UBE2W: variants seen among roughly 807,000 people sequenced by gnomAD.
UBE2W encodes ubiquitin-conjugating enzyme E2 W.
A neutral mutation model predicts 27.2 loss-of-function variants in UBE2W; 18 were observed. The observed-to-expected ratio is 0.66, with a 90% CI of 0.46 to 0.98. The LOEUF is 0.98. UBE2W is among the 50% of genes least tolerant of loss of function. The pLI is 0.00. For missense variants in UBE2W, 90 were observed against 180.2 expected, an observed-to-expected ratio of 0.50 and a Z score of 2.87; for synonymous variants, 53 against 57.2, an observed-to-expected ratio of 0.93 and a Z score of 0.33.
chr8:73,787,357 T>C lies in UBE2W; in HGVS notation c.*6745A>G, dbSNP rs1018499306. ...GGGAGGACATAAACAGAGTCACTTA[T>C]CCAGGGTAGCTTAAACTAATGGAGA... On this transcript the variant is annotated 3_prime_UTR_variant, in exon 6 of 6. Coordinates refer to ENST00000602593, the MANE Select transcript of UBE2W (RefSeq NM_018299.6). 1.0e-6 allele frequency: 1 copy of C among 985,388 alleles called. No individual in the cohort carries two copies. Among genetic ancestry groups the C allele is most frequent in the Non-Finnish European group, 1.2e-6 (1 of 829,912 alleles). 61.0% of individuals were successfully genotyped at this position (985,388 alleles called of 1,614,324 possible). A position where few individuals can be genotyped will look rare whatever the true frequency, so the allele number is the denominator to read the frequency against.
chr8:73,866,290 A>AAAAAAAAAAAAATAT (rs1248216873), intron 1 of UBE2W, among the ~76,000 whole-genome samples: 1 of 43,092 alleles, frequency 2.3e-5, no homozygotes, highest in African/African-American at 9.9e-5. Context: ...AAAAAAAAAA[A>AAAAAAAAAAAAATAT]ATATATATAT....
At chr8:73,838,835 T>A (rs1390437756) in intron 1 of UBE2W, among the ~76,000 whole-genome samples, 2 of 152,226 alleles carry the variant, frequency 1.3e-5, no homozygotes, top group Admixed American at 6.5e-5. Flanking sequence ...TGCACAGGAC[T>A]GTAACCTTTG....
intron 1 of UBE2W, among the ~76,000 whole-genome samples, chr8:73,855,494 C>A (rs11985000): frequency 0.023 from 3,442 of 149,390 alleles, 100 homozygotes; most frequent in African/African-American, 0.072. Context: ...CTCCGCCTCA[C>A]GGGTTCAAGC....
intron 1 of UBE2W, among the ~76,000 whole-genome samples, chr8:73,877,529 A>G (rs1416236946): frequency 6.6e-6 from 1 of 152,244 alleles, no homozygotes; most frequent in African/African-American, 2.4e-5. Context: ...TATTTGTACA[A>G]AAGAGGAAGA....
intron 1 of UBE2W, among the ~76,000 whole-genome samples, chr8:73,839,987 T>C (rs1219638481): frequency 6.6e-6 from 1 of 151,970 alleles, no homozygotes; most frequent in Non-Finnish European, 1.5e-5. Context: ...CCACCTGCCT[T>C]GGCCTCCCAA....
intron 1 of UBE2W, among the ~76,000 whole-genome samples, chr8:73,837,306 A>T (rs1237119601): frequency 6.6e-6 from 1 of 152,224 alleles, no homozygotes; most frequent in East Asian, 1.9e-4. Context: ...TGAGGTCAGG[A>T]GTTCGAGATC....
chr8:73,867,003 CAAAAAAA>C (rs35890299), intron 1 of UBE2W, among the ~76,000 whole-genome samples: 1 of 121,004 alleles, frequency 8.3e-6, no homozygotes, highest in Non-Finnish European at 1.8e-5. Context: ...GGCTCCGTCC[CAAAAAAA>C]AAAAAAAGAG....
intron 1 of UBE2W, among the ~76,000 whole-genome samples, chr8:73,838,958 G>C (rs895380918): frequency 2.0e-5 from 3 of 152,092 alleles, no homozygotes; most frequent in Admixed American, 6.6e-5. Context: ...AAACCTCTAG[G>C]GGGTATTTGG....
chr8:73,828,692 G>A (rs1277096050), intron 2 of UBE2W, among the ~76,000 whole-genome samples: 1 of 152,122 alleles, frequency 6.6e-6, no homozygotes, highest in Admixed American at 6.5e-5. Context: ...GAGATATTTT[G>A]ATACAAGCAC....
At chr8:73,860,497 T>G (rs570893048) in intron 1 of UBE2W, among the ~76,000 whole-genome samples, 10 of 152,190 alleles carry the variant, frequency 6.6e-5, no homozygotes, top group African/African-American at 2.2e-4. Context: ...CTGCCCTCAT[T>G]GAGTTAAAAA....
Position 73,786,810 on chromosome 8 carries a change from G to C in UBE2W, c.*7292C>G. On this transcript the variant is annotated 3_prime_UTR_variant, in exon 6 of 6. Coordinates refer to ENST00000602593, the MANE Select transcript of UBE2W (RefSeq NM_018299.6). The stretch of plus-strand genomic sequence containing the variant: ...TTACACTCAACAGGACTTGAAAAAT[G>C]CAAGGAGAGGACTACTGAGTATCAT... 1 of 985,398 alleles carries C rather than the reference G, an allele frequency of 1.0e-6. No homozygotes were observed. Among genetic ancestry groups the C allele is most frequent in the South Asian group, 4.7e-5 (1 of 21,288 alleles). The allele number at this position is 985,398 out of a possible 1,614,324, so 61.0% of individuals were successfully genotyped here.
chr8:73,850,914 C>G (rs1298979479), intron 1 of UBE2W, among the ~76,000 whole-genome samples: 2 of 151,742 alleles, frequency 1.3e-5, no homozygotes, highest in Non-Finnish European at 2.9e-5. Flanking sequence ...GGCTGGAGTA[C>G]AGTGGCGCAA....
chr8:73,846,347 T>C (rs1810797672), intron 1 of UBE2W, among the ~76,000 whole-genome samples: 1 of 151,920 alleles, frequency 6.6e-6, no homozygotes, highest in African/African-American at 2.4e-5. Context: ...AGTGAGTCAA[T>C]ATTGCACCAC....
intron 3 of UBE2W, among the ~76,000 whole-genome samples, chr8:73,823,470 T>G (rs1809705854): frequency 6.6e-6 from 1 of 152,210 alleles, no homozygotes; most frequent in African/African-American, 2.4e-5. Context: ...GTGTGAAATA[T>G]TCTTCCTTCC....
rs59095956 is a variant in UBE2W, at chr8:73,858,979, C to CGTGTGT, written c.15+19823_15+19828dup. On this transcript the variant is annotated intron_variant, in intron 1 of 5. Coordinates refer to ENST00000602593, the MANE Select transcript of UBE2W (RefSeq NM_018299.6). Reference sequence around the variant, plus strand: ...TTTCTTCAAGCACAGGGGGTTTTTGCGTGTGTGTGTGTGTGTGTGTGTGTG... The same window carrying CGTGTGT: ...TTTCTTCAAGCACAGGGGGTTTTTGCGTGTGTGTGTGTGTGTGTGTGTGTGTGTGTG... Among the ~76,000 whole-genome samples the CGTGTGT allele has an allele frequency of 2.5e-3, 321 of 126,024 alleles. 1 individual carries two copies. The highest frequency in any genetic ancestry group is 6.0e-3 in the African/African-American group (201 of 33,672). 82.7% of individuals were successfully genotyped at this position (126,024 alleles called of 152,430 possible). A position where few individuals can be genotyped will look rare whatever the true frequency, so the allele number is the denominator to read the frequency against.
chr8:73,787,678 GTTAT>G lies in UBE2W; in HGVS notation c.*6420_*6423del, dbSNP rs531108368. 22 of 985,372 alleles carry G rather than the reference GTTAT, an allele frequency of 2.2e-5. No homozygotes were observed. The East Asian group carries it at 2.2e-3, about 97-fold the overall frequency. 61.0% of individuals were successfully genotyped at this position (985,372 alleles called of 1,614,324 possible). ...GATGCTGAGATAGCCCCTTCTTGTG[GTTAT>G]TTCTTTCCTCTTCTTGCAGCTTCAA... On this transcript the variant is annotated 3_prime_UTR_variant, in exon 6 of 6. Coordinates refer to ENST00000602593, the MANE Select transcript of UBE2W (RefSeq NM_018299.6).
intron 2 of UBE2W, among the ~76,000 whole-genome samples, chr8:73,829,360 A>G (rs184235535): frequency 6.2e-4 from 94 of 152,292 alleles, no homozygotes; most frequent in African/African-American, 2.1e-3. Context: ...GAGAGGAAAA[A>G]GATTAAAATG....
At chr8:73,838,328 G>A (rs532917976) in intron 1 of UBE2W, among the ~76,000 whole-genome samples, 1 of 151,604 alleles carries the variant, frequency 6.6e-6, no homozygotes, top group Non-Finnish European at 1.5e-5. Flanking sequence ...ATTAACTATT[G>A]TCAATGTATT....
downstream of UBE2W, chr8:73,786,087 C>T: frequency 1.9e-6 from 1 of 522,672 alleles, no homozygotes; most frequent in East Asian, 1.5e-4. Flanking sequence ...GGTTTTTAAA[C>T]TCTATGTCAG....
Sources: allele counts gnomAD v4.1 joint callset (sites outside exome capture counted in the v4.1 genomes callset), GRCh38; gene constraint gnomAD v4.1.1; transcripts MANE v1.5; gene names NCBI Gene and HGNC (gene_info 2026-07-23, HGNC 2026-07-21).